Variants in PLCB1 observed in about 807,000 individuals in gnomAD.
The protein encoded by PLCB1 is phospholipase C beta 1.
PLCB1 carries 46 observed loss-of-function variants against 161.8 expected under a neutral mutation model. The ratio of observed to expected loss-of-function variants is 0.28; its 90% confidence interval spans 0.22 to 0.36. PLCB1 has a LOEUF of 0.36. PLCB1 is among the 10% of genes least tolerant of loss of function. The pLI, the probability that PLCB1 is intolerant of heterozygous loss-of-function variation, is 1.00. For missense variants in PLCB1, 1,016 were observed against 1,472.5 expected, an observed-to-expected ratio of 0.69 and a Z score of 5.07; for synonymous variants, 517 against 503.7, an observed-to-expected ratio of 1.03 and a Z score of -0.35.
chr20:8,347,717 A>G (rs1986041180), intron 2 of PLCB1, among the ~76,000 whole-genome samples: 1 of 152,222 alleles, frequency 6.6e-6, no homozygotes, highest in South Asian at 2.1e-4. Flanking sequence ...TAATGTTACT[A>G]TAACAACCAA....
intron 4 of PLCB1, among the ~76,000 whole-genome samples, chr20:8,645,057 T>A (rs1453902061): frequency 1.3e-5 from 2 of 152,158 alleles, no homozygotes; most frequent in Non-Finnish European, 2.9e-5. Context: ...CTGTGTCCAC[T>A]CAGGGTTAAA....
chr20:8,474,481 T>G (rs1414030194), intron 3 of PLCB1, among the ~76,000 whole-genome samples: 1 of 151,944 alleles, frequency 6.6e-6, no homozygotes, highest in Non-Finnish European at 1.5e-5. Flanking sequence ...CGGAGTGTGC[T>G]TGGCAAGTTT....
In PLCB1 at chr20:8,523,287, C is replaced by T. The variant is rs539943699; in HGVS notation, c.247-105007C>T. On this transcript the variant is annotated intron_variant, in intron 3 of 31. Coordinates refer to ENST00000338037, the MANE Select transcript of PLCB1 (RefSeq NM_015192.4). ...GGATATAGTAGAAAGAGAATGTATA[C>T]GGCTCAGGAAGTTGTGATTTAGTGA... 2.1e-4 allele frequency among the ~76,000 whole-genome samples: 32 copies of T among 151,094 alleles called. No individual in the cohort carries two copies. In the South Asian group the frequency reaches 4.4e-3, roughly 21 times the overall value.
chr20:8,633,692 A>G (rs1425614504), intron 4 of PLCB1, among the ~76,000 whole-genome samples: 2 of 152,114 alleles, frequency 1.3e-5, no homozygotes, highest in African/African-American at 4.8e-5. Flanking sequence ...AAAAGTGCAC[A>G]GTTTCTTACT....
At chr20:8,283,301 T>G (rs2123288050) in intron 2 of PLCB1, among the ~76,000 whole-genome samples, 1 of 152,242 alleles carries the variant, frequency 6.6e-6, no homozygotes, top group Non-Finnish European at 1.5e-5. Flanking sequence ...GAGCTAGCAA[T>G]CTTTCCCAGA....
intron 4 of PLCB1, among the ~76,000 whole-genome samples, chr20:8,641,343 G>C (rs79395308): frequency 0.035 from 5,390 of 152,242 alleles, 365 homozygotes; most frequent in East Asian, 0.31. Flanking sequence ...AATTTCAAAA[G>C]ACATAAATCA....
chr20:8,804,273 A>G (rs529902120), intron 31 of PLCB1, among the ~76,000 whole-genome samples: 1 of 152,196 alleles, frequency 6.6e-6, no homozygotes, highest in South Asian at 2.1e-4. Flanking sequence ...GTGCTCTTTC[A>G]GGCTTGTAAT....
intron 2 of PLCB1, among the ~76,000 whole-genome samples, chr20:8,263,060 G>T (rs113296913): frequency 8.0e-4 from 122 of 152,186 alleles, no homozygotes; most frequent in African/African-American, 2.8e-3. Context: ...TGCAGGACAG[G>T]CAACATTTCA....
intron 2 of PLCB1, among the ~76,000 whole-genome samples, chr20:8,311,138 A>C (rs1227205193): frequency 6.6e-6 from 1 of 152,150 alleles, no homozygotes. Flanking sequence ...ATGTGTGTGC[A>C]TTCATCAAAA....
chr20:8,812,160 G>T (rs147339346), intron 31 of PLCB1, among the ~76,000 whole-genome samples: 2,077 of 152,144 alleles, frequency 0.014, 22 homozygotes, highest in Non-Finnish European at 0.023. Flanking sequence ...ACAGAACTCA[G>T]GATAAGACAT....
intron 3 of PLCB1, among the ~76,000 whole-genome samples, chr20:8,441,012 G>C (rs1391679632): frequency 1.3e-5 from 2 of 152,050 alleles, no homozygotes; most frequent in African/African-American, 4.8e-5. Context: ...GACTTGAGGT[G>C]GAAAAAATTC....
rs973205269 is a variant in PLCB1 at position 8,251,859 on chromosome 20, G to A, written c.177+101488G>A. Among the ~76,000 whole-genome samples, 31 of 152,012 alleles carry A rather than the reference G, an allele frequency of 2.0e-4. 1 individual carries two copies. Among genetic ancestry groups the A allele is most frequent in the South Asian group, 2.1e-4 (1 of 4,822 alleles). On this transcript the variant is annotated intron_variant, in intron 2 of 31. Coordinates refer to ENST00000338037, the MANE Select transcript of PLCB1 (RefSeq NM_015192.4). ...CTGGTTTGCTGCTCTAAAGGCCACT[G>A]GAATTAGGAATGCCCGTGGATGAAA...
At chr20:8,637,073 G>A (rs989954) in intron 4 of PLCB1, among the ~76,000 whole-genome samples, 34,529 of 151,054 alleles carry the variant, frequency 0.23, 4,282 homozygotes, top group Admixed American at 0.32. Context: ...GGAAGGAAGA[G>A]GAGTTCTAAG....
intron 3 of PLCB1, among the ~76,000 whole-genome samples, chr20:8,515,263 A>G (rs1157886716): frequency 6.6e-6 from 1 of 152,202 alleles, no homozygotes; most frequent in Non-Finnish European, 1.5e-5. Context: ...CAGTAATAGC[A>G]TCTGCTTCAT....
chr20:8,807,164 G>A (rs899758982), intron 31 of PLCB1, among the ~76,000 whole-genome samples: 2 of 152,048 alleles, frequency 1.3e-5, no homozygotes, highest in African/African-American at 4.8e-5. Flanking sequence ...AATTAAAGTC[G>A]GAAGTTTGTC....
At position 8,145,239 on chromosome 20, in the gene PLCB1, A is replaced by ATCTTCAC. The variant is rs539121258; in HGVS notation, c.100-5054_100-5048dup. 9.2e-5 allele frequency among the ~76,000 whole-genome samples: 14 copies of ATCTTCAC among 152,274 alleles called. No homozygotes were observed. The East Asian group carries it at 2.5e-3, about 27-fold the overall frequency. ...TGGTAGATGGCCTGCTTCTCCCTGC[A>ATCTTCAC]TCTTCACATCATTTTCCTTCTGTAC... On this transcript the variant is annotated intron_variant, in intron 1 of 31. Coordinates refer to ENST00000338037, the MANE Select transcript of PLCB1 (RefSeq NM_015192.4).
At chr20:8,659,835 T>C (rs186014695) in intron 9 of PLCB1, among the ~76,000 whole-genome samples, 10 of 151,966 alleles carry the variant, frequency 6.6e-5, no homozygotes, top group Admixed American at 6.6e-4. Flanking sequence ...CTATTAAAAA[T>C]ACAAAAATTA....
intron 2 of PLCB1, among the ~76,000 whole-genome samples, chr20:8,302,128 C>G (rs1983936765): frequency 6.6e-6 from 1 of 152,214 alleles, no homozygotes; most frequent in Non-Finnish European, 1.5e-5. Context: ...AATGGACTCT[C>G]ATTCGTTGAG....
At chr20:8,862,762 A>G (rs1183391064) in intron 31 of PLCB1, among the ~76,000 whole-genome samples, 1 of 152,192 alleles carries the variant, frequency 6.6e-6, no homozygotes, top group Non-Finnish European at 1.5e-5. Context: ...TGTCCACTCA[A>G]TATATGCCAG....
Sources: gnomAD v4.1 joint callset for allele counts (sites outside exome capture counted in the v4.1 genomes callset) on GRCh38, gnomAD v4.1.1 for gene constraint, MANE v1.5 for transcripts, NCBI Gene and HGNC (gene_info 2026-07-23, HGNC 2026-07-21) for gene names.